The following SLC2A9 variants were observed in gnomAD, a reference collection of about 807,000 sequenced individuals.
SLC2A9 encodes solute carrier family 2 member 9, also known as solute carrier family 2, facilitated glucose transporter member 9.
Under a neutral mutation model 50.6 loss-of-function variants are expected in SLC2A9, and 39 were observed. The observed-to-expected ratio is 0.77, with a 90% CI of 0.60 to 1.01. SLC2A9 has a LOEUF of 1.01. Among genes scored for constraint, SLC2A9 ranks in the 50% least tolerant of loss-of-function variants. SLC2A9 has a pLI of 0.00. For synonymous variants in SLC2A9, 324 were observed against 276.9 expected, an observed-to-expected ratio of 1.17 and a Z score of -1.69; for missense variants, 686 against 677.6, an observed-to-expected ratio of 1.01 and a Z score of -0.14.
intron 10 of SLC2A9, among the ~76,000 whole-genome samples, chr4:9,843,087 T>A (rs6449051): frequency 0.17 from 25,554 of 151,980 alleles, 3,084 homozygotes; most frequent in African/African-American, 0.34. Flanking sequence ...CAGTCACTCA[T>A]TGAGTGTTAT....
chr4:9,937,373 C>G (rs1164542112), intron 6 of SLC2A9, among the ~76,000 whole-genome samples: 1 of 152,134 alleles, frequency 6.6e-6, no homozygotes, highest in Non-Finnish European at 1.5e-5. Context: ...CACTCAGCAC[C>G]CTGTCCCAAC....
chr4:9,997,029 C>A, intron 2 of SLC2A9, 88 bp from the exon 3 acceptor site: 1 of 1,499,210 alleles, frequency 6.7e-7, no homozygotes, highest in Non-Finnish European at 9.3e-7. Context: ...ACAGCTTGTA[C>A]AGAGCATTTT....
At chr4:10,000,093 C>A (rs1759500297) in intron 2 of SLC2A9, among the ~76,000 whole-genome samples, 1 of 150,698 alleles carries the variant, frequency 6.6e-6, no homozygotes, top group Non-Finnish European at 1.5e-5. Flanking sequence ...AGGTATTTAT[C>A]TTCTTTCTGT....
chr4:9,953,275 C>T (rs1328151364), intron 5 of SLC2A9, among the ~76,000 whole-genome samples: 4 of 152,206 alleles, frequency 2.6e-5, no homozygotes, highest in Non-Finnish European at 5.9e-5. Flanking sequence ...AGAGCCAGTG[C>T]TTCTCCTGAG....
intron 5 of SLC2A9, among the ~76,000 whole-genome samples, chr4:9,976,185 C>A (rs1329438951): frequency 1.3e-5 from 2 of 152,102 alleles, no homozygotes; most frequent in African/African-American, 4.8e-5. Context: ...AAATTATACC[C>A]CAAACTTGAG....
chr4:10,025,984 T>A (rs760386361), upstream of SLC2A9: 10 of 1,613,552 alleles, frequency 6.2e-6, no homozygotes, highest in Non-Finnish European at 8.5e-6. Context: ...TTTTCAGGTT[T>A]TGAACTTTTG....
intron 3 of SLC2A9, chr4:9,782,979 G>T (rs1718691578): frequency 1.2e-6 from 2 of 1,614,030 alleles, no homozygotes; most frequent in Non-Finnish European, 1.7e-6. Context: ...ATCCTTAACT[G>T]CATGGTCCCT....
rs572705873 is a variant in SLC2A9, at chr4:9,804,103, A to T, written n.421-4862T>A. Among the ~76,000 whole-genome samples, 253 of 152,384 alleles carry T rather than the reference A, an allele frequency of 1.7e-3. 1 individual carries two copies. The highest frequency in any genetic ancestry group is 3.2e-3 in the Non-Finnish European group (218 of 68,038). The stretch of plus-strand genomic sequence containing the variant: ...AGAAGTTCATAGTTATAAGGAGAGC[A>T]AGATACATGAACAGATGATAAAAAT... On this transcript the variant is annotated intron_variant and non_coding_transcript_variant, in intron 3 of 3. Transcript: ENST00000503280.
At chr4:9,848,783 C>T (rs1729409445) in intron 10 of SLC2A9, among the ~76,000 whole-genome samples, 1 of 150,928 alleles carries the variant, frequency 6.6e-6, no homozygotes, top group African/African-American at 2.4e-5. Flanking sequence ...CGGCTCACTG[C>T]AAGCTCCACC....
At chr4:9,986,276 G>A (rs1257374718) in intron 3 of SLC2A9, among the ~76,000 whole-genome samples, 3 of 152,154 alleles carry the variant, frequency 2.0e-5, no homozygotes, top group Admixed American at 1.3e-4. Flanking sequence ...GGAGGGCCCC[G>A]AAGACCTTTG....
At chr4:10,024,178 G>C (rs1763677440), upstream of SLC2A9, among the ~76,000 whole-genome samples, 1 of 151,372 alleles carries the variant, frequency 6.6e-6, no homozygotes. Flanking sequence ...TGTGCTCCAT[G>C]TGTGCCTTCC....
chr4:9,962,395 G>C (rs1752403979), intron 5 of SLC2A9, among the ~76,000 whole-genome samples: 1 of 152,144 alleles, frequency 6.6e-6, no homozygotes. Flanking sequence ...CCATAAAAAA[G>C]AACAAAATCA....
At chr4:9,856,828 C>T (rs1293611090) in intron 10 of SLC2A9, among the ~76,000 whole-genome samples, 2 of 152,172 alleles carry the variant, frequency 1.3e-5, no homozygotes, top group Non-Finnish European at 2.9e-5. Flanking sequence ...ATGGATGGAG[C>T]TGGAGGCCAT....
chr4:10,007,195 C>T (rs1282434237), intron 2 of SLC2A9, among the ~76,000 whole-genome samples: 5 of 152,180 alleles, frequency 3.3e-5, no homozygotes, highest in Non-Finnish European at 2.9e-5. Context: ...TGGGTGACCC[C>T]AGTACACCTC....
At chr4:9,874,641 A>T (rs1260648922) in intron 10 of SLC2A9, among the ~76,000 whole-genome samples, 1 of 152,222 alleles carries the variant, frequency 6.6e-6, no homozygotes, top group Non-Finnish European at 1.5e-5. Context: ...AGCTGTGTGC[A>T]TGACTGTTTT....
chr4:9,939,848 T>C (rs1320849513), intron 6 of SLC2A9, among the ~76,000 whole-genome samples: 1 of 152,180 alleles, frequency 6.6e-6, no homozygotes, highest in Admixed American at 6.5e-5. Context: ...ATGCTAAATA[T>C]CCATTGCTTG....
intron 6 of SLC2A9, among the ~76,000 whole-genome samples, chr4:9,925,615 G>A (rs1459106558): frequency 4.6e-5 from 7 of 152,156 alleles, no homozygotes; most frequent in Non-Finnish European, 1.0e-4. Flanking sequence ...TAAAATCAAT[G>A]TGTGTTAAGT....
chr4:10,010,048 T>G (rs529000188), intron 2 of SLC2A9, among the ~76,000 whole-genome samples: 2 of 152,302 alleles, frequency 1.3e-5, no homozygotes, highest in African/African-American at 4.8e-5. Context: ...GGATGGGGGT[T>G]GGCCATGCAA....
chr4:9,887,787 A>C, intron 9 of SLC2A9, 145 bp from the exon 10 acceptor site: 1 of 495,638 alleles, frequency 2.0e-6, no homozygotes, highest in Non-Finnish European at 3.5e-6. Flanking sequence ...AGCATCTATA[A>C]CATGGGAACA....
Sources: allele counts gnomAD v4.1 joint callset (sites outside exome capture counted in the v4.1 genomes callset), GRCh38; gene constraint gnomAD v4.1.1; transcripts MANE v1.5; gene names NCBI Gene and HGNC (gene_info 2026-07-23, HGNC 2026-07-21).